FAP: variants seen among roughly 807,000 people sequenced by gnomAD.
The protein encoded by FAP is fibroblast activation protein alpha.
Under a neutral mutation model 126.5 loss-of-function variants are expected in FAP, and 110 were observed. The ratio of observed to expected loss-of-function variants is 0.87; its 90% CI spans 0.74 to 1.02. FAP has a LOEUF of 1.02. FAP is among the 50% of genes least tolerant of loss of function. The probability of loss-of-function intolerance (pLI) is 0.00; values close to 1 mark genes in which losing one functional copy is unlikely to be tolerated. For synonymous variants in FAP, 334 were observed against 297.3 expected (o/e 1.12, Z -1.27); for missense variants, 919 against 909.2 (o/e 1.01, Z -0.14).
intron 6 of FAP, among the ~76,000 whole-genome samples, chr2:162,222,122 C>A (rs970330250): frequency 6.6e-6 from 1 of 152,126 alleles, no homozygotes; most frequent in African/African-American, 2.4e-5. Flanking sequence ...GGATTATCAT[C>A]TTTTTGAATG....
At chr2:162,199,155 G>A (rs1379894106) in intron 15 of FAP, among the ~76,000 whole-genome samples, 1 of 152,122 alleles carries the variant, frequency 6.6e-6, no homozygotes, top group Non-Finnish European at 1.5e-5. Context: ...ATGGCAGTGA[G>A]GTAGTCACTT....
chr2:162,177,896 G>A (rs961539441), intron 21 of FAP, among the ~76,000 whole-genome samples: 4 of 152,154 alleles, frequency 2.6e-5, no homozygotes, highest in Non-Finnish European at 5.9e-5. Flanking sequence ...GTGTCTTGGT[G>A]AGGAAATTAT....
At chr2:162,214,873 G>C (rs545564703) in intron 10 of FAP, among the ~76,000 whole-genome samples, 1 of 151,986 alleles carries the variant, frequency 6.6e-6, no homozygotes, top group African/African-American at 2.4e-5. Flanking sequence ...GATTGGCCGC[G>C]TGCTTAAACC....
intron 24 of FAP, 101 bp from the exon 25 acceptor site, chr2:162,172,985 G>A (rs763280241): frequency 2.7e-6 from 3 of 1,123,406 alleles, no homozygotes; most frequent in Non-Finnish European, 4.1e-6. Context: ...ATCTAGTCAT[G>A]CATTTGACAT....
At chr2:162,188,069 G>A in intron 20 of FAP, 100 bp downstream of exon 20, 1 of 1,017,214 alleles carries the variant, frequency 9.8e-7, no homozygotes, top group Non-Finnish European at 1.4e-6. Context: ...GTTAGAAAAA[G>A]AAAAACAAAA....
intron 2 of FAP, among the ~76,000 whole-genome samples, chr2:162,241,814 A>G (rs942498653): frequency 2.6e-5 from 4 of 152,212 alleles, no homozygotes; most frequent in Admixed American, 2.0e-4. Flanking sequence ...CAGAGAGCAG[A>G]AACAAAGACT....
chr2:162,225,473 G>C lies in FAP; in HGVS notation c.285+10C>G. 2 of 1,593,818 alleles carry C rather than the reference G, an allele frequency of 1.3e-6. No homozygotes were observed. The highest frequency in any genetic ancestry group is 1.7e-6 in the Non-Finnish European group (2 of 1,169,324). On this transcript the variant is annotated intron_variant, in intron 4 of 25. Coordinates refer to ENST00000188790, the MANE Select transcript of FAP (RefSeq NM_004460.5). ...GGTTTCTGAGGGGGAAGATGATGTT[G>C]GATACATACCATGGTTCTATTACTC...
At chr2:162,205,504 T>C (rs1001170202) in intron 12 of FAP, among the ~76,000 whole-genome samples, 5 of 152,120 alleles carry the variant, frequency 3.3e-5, no homozygotes, top group African/African-American at 1.2e-4. Context: ...TCTTATAATG[T>C]CTCCCTTTTT....
At chr2:162,191,442 T>C (rs996464691) in intron 17 of FAP, among the ~76,000 whole-genome samples, 6 of 152,078 alleles carry the variant, frequency 3.9e-5, no homozygotes, top group Non-Finnish European at 8.8e-5. Flanking sequence ...TCAATAAGGC[T>C]GTGCATTAAA....
At chr2:162,190,801 G>GT (rs1468972710) in intron 17 of FAP, among the ~76,000 whole-genome samples, 9 of 152,174 alleles carry the variant, frequency 5.9e-5, no homozygotes, top group Admixed American at 2.0e-4. Context: ...AGCTGGAGGA[G>GT]TGCTTGTAAC....
intron 12 of FAP, among the ~76,000 whole-genome samples, chr2:162,207,466 A>T (rs1688749248): frequency 6.6e-6 from 1 of 152,204 alleles, no homozygotes; most frequent in Non-Finnish European, 1.5e-5. Context: ...TCTGGCACAA[A>T]ATCACATGTC....
intron 5 of FAP, among the ~76,000 whole-genome samples, chr2:162,224,142 G>A (rs1689530817): frequency 6.6e-6 from 1 of 151,962 alleles, no homozygotes; most frequent in East Asian, 1.9e-4. Context: ...TTTGAGTACA[G>A]TTTTAAAAAT....
chr2:162,227,528 A>T (rs1689706880), intron 2 of FAP, among the ~76,000 whole-genome samples: 1 of 152,124 alleles, frequency 6.6e-6, no homozygotes, highest in Non-Finnish European at 1.5e-5. Flanking sequence ...CCCCTTCCAC[A>T]GGCCACTAAA....
chr2:162,230,277 T>C (rs749122256), intron 2 of FAP, among the ~76,000 whole-genome samples: 1 of 152,184 alleles, frequency 6.6e-6, no homozygotes, highest in African/African-American at 2.4e-5. Flanking sequence ...GAATAAAACA[T>C]AAAGATTACT....
intron 15 of FAP, 134 bp from the exon 16 acceptor site, chr2:162,199,015 A>G: frequency 1.4e-6 from 1 of 729,740 alleles, no homozygotes; most frequent in Non-Finnish European, 2.2e-6. Context: ...AATATCATTT[A>G]AAGTAAAGGG....
chr2:162,216,572 T>C (rs16846387), intron 9 of FAP, among the ~76,000 whole-genome samples: 5,397 of 152,318 alleles, frequency 0.035, 478 homozygotes, highest in Admixed American at 0.21. Flanking sequence ...TTTATACTTT[T>C]CTTGTTTTGT....
At chr2:162,204,503 A>T (rs1163250657) in intron 12 of FAP, among the ~76,000 whole-genome samples, 2 of 152,200 alleles carry the variant, frequency 1.3e-5, no homozygotes, top group Non-Finnish European at 1.5e-5. Flanking sequence ...TGGGGAGGAC[A>T]CAAAGAGACA....
chr2:162,197,513 G>A, intron 16 of FAP: 4 of 456,218 alleles, frequency 8.8e-6, no homozygotes, highest in South Asian at 6.2e-5. Flanking sequence ...ACAATCTCTT[G>A]ACATTTCAAA....
At chr2:162,182,300 C>T (rs561294290) in intron 21 of FAP, among the ~76,000 whole-genome samples, 1 of 152,236 alleles carries the variant, frequency 6.6e-6, no homozygotes, top group African/African-American at 2.4e-5. Flanking sequence ...ATTACATGTA[C>T]ATGTTCAACT....
Sources: allele counts gnomAD v4.1 joint callset (sites outside exome capture counted in the v4.1 genomes callset), GRCh38; gene constraint gnomAD v4.1.1; transcripts MANE v1.5; gene names NCBI Gene and HGNC (gene_info 2026-07-23, HGNC 2026-07-21).